ANKS1B: variants seen among roughly 807,000 people sequenced by gnomAD.
ANKS1B encodes ankyrin repeat and sterile alpha motif domain containing 1B.
In ANKS1B, 36 loss-of-function variants were observed where a neutral mutation model predicts 148.3. The ratio of observed to expected loss-of-function variants is 0.24; its 90% CI spans 0.19 to 0.32. The LOEUF (loss-of-function observed/expected upper bound fraction) is 0.32. Among genes scored for constraint, ANKS1B ranks in the 10% least tolerant of loss-of-function variants. The pLI, the probability that ANKS1B is intolerant of heterozygous loss-of-function variation, is 1.00. For synonymous variants in ANKS1B, 542 were observed against 560.8 expected, an observed-to-expected ratio of 0.97 and a Z score of 0.47; for missense variants, 1,157 against 1,542.6, an observed-to-expected ratio of 0.75 and a Z score of 4.19.
chr12:99,138,687 A>C (rs947308077), intron 15 of ANKS1B, among the ~76,000 whole-genome samples: 1 of 152,204 alleles, frequency 6.6e-6, no homozygotes, highest in African/African-American at 2.4e-5. Flanking sequence ...CATGACCCCT[A>C]GGGTTGTCAA....
chr12:98,889,417 G>A (rs991983602), intron 17 of ANKS1B, among the ~76,000 whole-genome samples: 6 of 151,156 alleles, frequency 4.0e-5, no homozygotes, highest in Non-Finnish European at 5.9e-5. Flanking sequence ...GCACTATCTC[G>A]GCTCACTGCA....
chr12:99,362,589 A>G (rs1387383446), intron 12 of ANKS1B, among the ~76,000 whole-genome samples: 1 of 152,046 alleles, frequency 6.6e-6, no homozygotes, highest in Non-Finnish European at 1.5e-5. Context: ...CATAGATGGA[A>G]GCAGAAATTA....
At chr12:99,370,852 G>T (rs1235640304) in intron 12 of ANKS1B, among the ~76,000 whole-genome samples, 1 of 152,142 alleles carries the variant, frequency 6.6e-6, no homozygotes, top group Non-Finnish European at 1.5e-5. Context: ...AATATAGTTA[G>T]TCCTAAGATT....
chr12:98,850,255 T>C (rs1185798534), intron 17 of ANKS1B, among the ~76,000 whole-genome samples: 3 of 152,206 alleles, frequency 2.0e-5, no homozygotes, highest in Admixed American at 1.3e-4. Flanking sequence ...CCTGGTCTAT[T>C]GTCATATATC....
At chr12:99,283,803 G>A (rs2078773012) in intron 12 of ANKS1B, among the ~76,000 whole-genome samples, 2 of 152,120 alleles carry the variant, frequency 1.3e-5, no homozygotes, top group Admixed American at 1.3e-4. Context: ...GCTTTACTTA[G>A]GAAGACTAAA....
chr12:99,938,659 GAGTTGGTC>G (rs1566040571), intron 1 of ANKS1B, among the ~76,000 whole-genome samples: 1 of 152,186 alleles, frequency 6.6e-6, no homozygotes, highest in Non-Finnish European at 1.5e-5. Flanking sequence ...GAGAAAACCA[GAGTTGGTC>G]ACACAGCCAG....
At chr12:99,192,889 A>T (rs1428083048) in intron 14 of ANKS1B, among the ~76,000 whole-genome samples, 2 of 152,112 alleles carry the variant, frequency 1.3e-5, no homozygotes, top group African/African-American at 2.4e-5. Context: ...AAGTTTAAAA[A>T]GTTTTATACT....
At chr12:99,350,804 T>C (rs533054158) in intron 12 of ANKS1B, among the ~76,000 whole-genome samples, 16 of 152,206 alleles carry the variant, frequency 1.1e-4, no homozygotes, top group African/African-American at 3.9e-4. Context: ...CCATACTCAC[T>C]TCTTAGGCTC....
At chr12:99,730,509 C>A (rs1246770655) in intron 8 of ANKS1B, among the ~76,000 whole-genome samples, 5 of 152,188 alleles carry the variant, frequency 3.3e-5, no homozygotes, top group Non-Finnish European at 7.3e-5. Flanking sequence ...CAAGGACAAT[C>A]AGAACCCCTA....
At chr12:99,806,327 T>C (rs2153661838) in intron 4 of ANKS1B, 77 bp downstream of exon 4, 3 of 1,540,074 alleles carry the variant, frequency 1.9e-6, no homozygotes, top group Non-Finnish European at 1.8e-6. Flanking sequence ...GATTTCTACA[T>C]ACAGGTTTTC....
At chr12:98,792,342 A>G (rs1487859556) in intron 22 of ANKS1B, among the ~76,000 whole-genome samples, 1 of 152,190 alleles carries the variant, frequency 6.6e-6, no homozygotes, top group Non-Finnish European at 1.5e-5. Context: ...ATAACTGTAC[A>G]TATTCATGGG....
intron 17 of ANKS1B, among the ~76,000 whole-genome samples, chr12:98,877,675 G>A (rs916927619): frequency 2.6e-5 from 4 of 152,194 alleles, no homozygotes; most frequent in African/African-American, 9.7e-5. Flanking sequence ...AAGAATTCCA[G>A]TTCTGAAAGA....
intron 8 of ANKS1B, among the ~76,000 whole-genome samples, chr12:99,709,321 C>T (rs548679730): frequency 6.6e-6 from 1 of 152,230 alleles, no homozygotes; most frequent in South Asian, 2.1e-4. Context: ...AAGCATCAGG[C>T]AATTTTAATT....
chr12:98,956,996 T>G (rs902951802), intron 17 of ANKS1B, among the ~76,000 whole-genome samples: 3 of 152,152 alleles, frequency 2.0e-5, no homozygotes, highest in Non-Finnish European at 4.4e-5. Context: ...TTACTCTATC[T>G]CCTTTTCTCT....
chr12:99,533,613 C>G (rs1233446619), intron 9 of ANKS1B, among the ~76,000 whole-genome samples: 2 of 152,170 alleles, frequency 1.3e-5, no homozygotes, highest in Non-Finnish European at 2.9e-5. Flanking sequence ...CTTGTTCCAG[C>G]CTTCAGGGAG....
intron 17 of ANKS1B, among the ~76,000 whole-genome samples, chr12:98,967,631 A>AGAGGGTAGGGGAGGGAAGGG (rs2099879391): frequency 1.3e-5 from 1 of 76,748 alleles, no homozygotes; most frequent in Non-Finnish European, 2.2e-5. Flanking sequence ...AGAGGGTAGA[A>AGAGGGTAGGGGAGGGAAGGG]GAGGGGAGGG....
chr12:99,728,224 A>G (rs1325777714), intron 8 of ANKS1B, among the ~76,000 whole-genome samples: 1 of 152,152 alleles, frequency 6.6e-6, no homozygotes, highest in Admixed American at 6.6e-5. Context: ...TTTGCCATCT[A>G]CCCATTTGAC....
chr12:99,423,727 T>A (rs962961012), intron 11 of ANKS1B, among the ~76,000 whole-genome samples: 1 of 152,102 alleles, frequency 6.6e-6, no homozygotes, highest in African/African-American at 2.4e-5. Flanking sequence ...CTTAGCAAAC[T>A]AATGCAGGAA....
chr12:99,072,306 G>A (rs1458694285), intron 16 of ANKS1B, among the ~76,000 whole-genome samples: 1 of 151,996 alleles, frequency 6.6e-6, no homozygotes, highest in Non-Finnish European at 1.5e-5. Context: ...AAATGCAAGT[G>A]GTCATAACTA....
Sources: allele counts gnomAD v4.1 joint callset (sites outside exome capture counted in the v4.1 genomes callset), GRCh38; gene constraint gnomAD v4.1.1; transcripts MANE v1.5; gene names NCBI Gene and HGNC (gene_info 2026-07-23, HGNC 2026-07-21).